KLF12: variants seen among roughly 807,000 people sequenced by gnomAD.
KLF12 encodes KLF transcription factor 12, also known as Krueppel-like factor 12.
Under a neutral mutation model 37.8 loss-of-function variants are expected in KLF12, and 9 were observed. The ratio of observed to expected loss-of-function variants is 0.24; its 90% CI spans 0.14 to 0.42. The LOEUF (loss-of-function observed/expected upper bound fraction) is 0.42, where lower values mean the gene tolerates loss of function less well. Ranked by LOEUF, KLF12 falls within the 10% of genes least tolerant of loss-of-function variation. The pLI, the probability that KLF12 is intolerant of heterozygous loss-of-function variation, is 1.00. For synonymous variants in KLF12, 208 were observed against 202.1 expected (o/e 1.03, Z -0.25); for missense variants, 411 against 516.0 (o/e 0.80, Z 1.97).
chr13:73,863,543 T>C (rs1050542500), intron 3 of KLF12, among the ~76,000 whole-genome samples: 2 of 152,172 alleles, frequency 1.3e-5, no homozygotes, highest in African/African-American at 4.8e-5. Flanking sequence ...GTGGTTGTTA[T>C]TTTTTGTTTC....
chr13:74,293,022 C>T, the KLF12 span, among the ~76,000 whole-genome samples: 12 of 152,150 alleles, frequency 7.9e-5, no homozygotes, highest in Admixed American at 7.9e-4. Flanking sequence ...AGGGGTACAA[C>T]AGGCACATAG....
At chr13:74,189,545 A>G in the KLF12 span, among the ~76,000 whole-genome samples, 1 of 152,290 alleles carries the variant, frequency 6.6e-6, no homozygotes, top group South Asian at 2.1e-4. Flanking sequence ...CTGTGGGAAG[A>G]GGAAGATTGT....
At chr13:74,212,513 A>G in the KLF12 span, among the ~76,000 whole-genome samples, 1 of 152,206 alleles carries the variant, frequency 6.6e-6, no homozygotes, top group Non-Finnish European at 1.5e-5. Flanking sequence ...TTGCTACCAA[A>G]ACTGAGGCAC....
At chr13:73,858,080 T>G (rs1027010260) in intron 3 of KLF12, among the ~76,000 whole-genome samples, 1 of 152,196 alleles carries the variant, frequency 6.6e-6, no homozygotes, top group Non-Finnish European at 1.5e-5. Context: ...GTGAACTACA[T>G]TTTCTTTTTT....
At chr13:73,728,026 C>T (rs759202928) in intron 6 of KLF12, among the ~76,000 whole-genome samples, 1 of 152,312 alleles carries the variant, frequency 6.6e-6, no homozygotes, top group Non-Finnish European at 1.5e-5. Flanking sequence ...GAAAATGCAG[C>T]TGAAATTTGG....
the KLF12 span, among the ~76,000 whole-genome samples, chr13:74,228,519 A>G: frequency 6.6e-6 from 1 of 152,158 alleles, no homozygotes; most frequent in East Asian, 1.9e-4. Flanking sequence ...GTAAGGAAAT[A>G]TTAAGCTTAG....
At chr13:74,108,130 T>C (rs1033244491) in intron 1 of KLF12, among the ~76,000 whole-genome samples, 3 of 152,200 alleles carry the variant, frequency 2.0e-5, no homozygotes, top group African/African-American at 7.2e-5. Context: ...ATAGAGATCA[T>C]TAAAAGGCTC....
At chr13:74,214,067 A>G in the KLF12 span, among the ~76,000 whole-genome samples, 1 of 152,216 alleles carries the variant, frequency 6.6e-6, no homozygotes, top group Non-Finnish European at 1.5e-5. Flanking sequence ...GCATAGTTAA[A>G]TTTTCTATTT....
chr13:73,827,155 A>G (rs1483840873), intron 4 of KLF12, among the ~76,000 whole-genome samples: 3 of 152,206 alleles, frequency 2.0e-5, no homozygotes, highest in African/African-American at 4.8e-5. Flanking sequence ...CTTTCATTTA[A>G]TAGTAAAAGA....
intron 1 of KLF12, among the ~76,000 whole-genome samples, chr13:74,111,875 T>C (rs894277401): frequency 1.3e-5 from 2 of 152,186 alleles, no homozygotes; most frequent in African/African-American, 2.4e-5. Flanking sequence ...AAGGCAAATA[T>C]ATTACAGAAA....
At chr13:73,845,791 T>A (rs1234437265) in intron 4 of KLF12, 36 bp downstream of exon 4, 2 of 1,580,632 alleles carry the variant, frequency 1.3e-6, no homozygotes, top group Non-Finnish European at 8.6e-7. Context: ...TCACCTCTAG[T>A]GCTGAAATAA....
chr13:74,286,118 A>T, the KLF12 span, among the ~76,000 whole-genome samples: 1 of 152,188 alleles, frequency 6.6e-6, no homozygotes, highest in African/African-American at 2.4e-5. Flanking sequence ...ATTCATCATA[A>T]AATGCTGAAT....
At chr13:73,902,669 A>G (rs1183186910) in intron 3 of KLF12, among the ~76,000 whole-genome samples, 3 of 152,238 alleles carry the variant, frequency 2.0e-5, no homozygotes. Context: ...CACAGTAATA[A>G]TTCACTGTTA....
At chr13:73,778,267 T>TCCATGACAC (rs1880746811) in intron 5 of KLF12, among the ~76,000 whole-genome samples, 1 of 152,230 alleles carries the variant, frequency 6.6e-6, no homozygotes, top group African/African-American at 2.4e-5. Context: ...ATGACAGTGT[T>TCCATGACAC]CCATGACACT....
intron 6 of KLF12, among the ~76,000 whole-genome samples, chr13:73,719,618 TGA>T (rs1285067836): frequency 1.3e-5 from 2 of 151,966 alleles, no homozygotes; most frequent in Non-Finnish European, 1.5e-5. Context: ...TTTTTTTTTT[TGA>T]GATAGGGTCT....
rs11432866 is a variant in KLF12 at position 73,930,860 on chromosome 13, ATT to A, written c.123+13119_123+13120del. On this transcript the variant is annotated intron_variant, in intron 3 of 7. Transcript: ENST00000377669. The stretch of plus-strand genomic sequence containing the variant: ...AACATCTATGTGAATAACTGGAAAC[ATT>A]TTTTTTTTTTTTTTTTTTTTGAGAC... Among the ~76,000 whole-genome samples the A allele has an allele frequency of 4.1e-3, 453 of 109,456 alleles. 2 individuals carry two copies. Among genetic ancestry groups the A allele is most frequent in the African/African-American group, 0.015 (415 of 28,238 alleles). 71.8% of individuals were successfully genotyped at this position (109,456 alleles called of 152,430 possible).
chr13:73,971,177 A>G (rs1304537831), intron 2 of KLF12, among the ~76,000 whole-genome samples: 1 of 152,238 alleles, frequency 6.6e-6, no homozygotes, highest in Non-Finnish European at 1.5e-5. Context: ...GCAATCAAAC[A>G]AGGAGTCAAG....
chr13:73,978,591 A>G (rs1338312126), intron 2 of KLF12, among the ~76,000 whole-genome samples: 1 of 152,168 alleles, frequency 6.6e-6, no homozygotes, highest in Non-Finnish European at 1.5e-5. Context: ...GGATCCACCA[A>G]TCATTTCTTT....
At chr13:74,153,034 T>C in the KLF12 span, among the ~76,000 whole-genome samples, 1 of 152,006 alleles carries the variant, frequency 6.6e-6, no homozygotes, top group East Asian at 1.9e-4. Context: ...AGAGCTATTG[T>C]TTATTAAATG....
Sources: allele counts gnomAD v4.1 joint callset (sites outside exome capture counted in the v4.1 genomes callset), GRCh38; gene constraint gnomAD v4.1.1; transcripts MANE v1.5; gene names NCBI Gene and HGNC (gene_info 2026-07-23, HGNC 2026-07-21).